The following STX12 variants were observed in gnomAD, a reference collection of about 807,000 sequenced individuals.
STX12 encodes syntaxin-12.
STX12 carries 17 observed loss-of-function variants against 42.2 expected under a neutral mutation model. That is an observed-to-expected ratio of 0.40 (90% CI 0.28 to 0.60). The LOEUF is 0.60. Among genes scored for constraint, STX12 ranks in the 20% least tolerant of loss-of-function variants. The pLI is 0.39. For synonymous variants in STX12, 108 were observed against 116.7 expected, an observed-to-expected ratio of 0.93 and a Z score of 0.48; for missense variants, 297 against 330.9, an observed-to-expected ratio of 0.90 and a Z score of 0.79.
At chr1:27,773,705 G>A (rs1245791202) in intron 1 of STX12, among the ~76,000 whole-genome samples, 1 of 152,240 alleles carries the variant, frequency 6.6e-6, no homozygotes, top group Non-Finnish European at 1.5e-5. Context: ...AGGGTGGGAA[G>A]GGGAGTGTGT....
Position 27,792,268 on chromosome 1 carries a change from ATG to A in STX12, c.189-1263_189-1262del, listed in dbSNP as rs1474561271. ...TCTATATATATGTAGATACATATAT[ATG>A]TATCTATATATATGTAGATACATAT... is the stretch of plus-strand genomic sequence containing the variant. On this transcript the variant is annotated intron_variant, in intron 2 of 8. Coordinates refer to ENST00000373943, the MANE Select transcript of STX12 (RefSeq NM_177424.3). Among the ~76,000 whole-genome samples the A allele has an allele frequency of 6.2e-4, 78 of 125,052 alleles. 2 individuals carry two copies. The highest frequency in any genetic ancestry group is 2.1e-3 in the East Asian group (10 of 4,772). 82.0% of individuals were successfully genotyped at this position (125,052 alleles called of 152,430 possible). A position where few individuals can be genotyped will look rare whatever the true frequency, so the allele number is the denominator to read the frequency against.
chr1:27,812,195 A>G lies in STX12; in HGVS notation c.503A>G (p.Glu168Gly). Residue 168 changes from glutamate (E) to glycine (G), a missense_variant, in exon 6 of 9, where the codon GAG (glutamate) becomes GGG (glycine). By Grantham distance (98) the Glu-to-Gly change is moderately conservative. Transcript: ENST00000373943. ...GAGTGGAACCAGATGCAGAGCCAGG[A>G]GGATGAGGTGGCCATCACTGAGCAG... The part of the protein sequence containing the change: ...HEEWNQMQSQ[E>G]DEVAITEQDL... 1 of 1,560,132 alleles carries G rather than the reference A, an allele frequency of 6.4e-7. No homozygotes were observed. Among genetic ancestry groups the G allele is most frequent in the Non-Finnish European group, 8.7e-7 (1 of 1,151,246 alleles).
intron 7 of STX12, among the ~76,000 whole-genome samples, chr1:27,818,977 T>G (rs147664564): frequency 4.6e-5 from 7 of 152,102 alleles, no homozygotes; most frequent in African/African-American, 1.7e-4. Flanking sequence ...TCGAGTTTAT[T>G]AAAAGTTGCA....
intron 1 of STX12, among the ~76,000 whole-genome samples, chr1:27,781,156 G>A (rs577926911): frequency 3.0e-3 from 461 of 152,096 alleles, no homozygotes; most frequent in Non-Finnish European, 5.0e-3. Flanking sequence ...CAATTCTCAT[G>A]CCTCAGCCTC....
intron 1 of STX12, among the ~76,000 whole-genome samples, chr1:27,777,853 C>G (rs1275186536): frequency 2.0e-5 from 3 of 151,994 alleles, no homozygotes; most frequent in African/African-American, 7.3e-5. Flanking sequence ...CGCCACTGCA[C>G]TCTGGCCTGG....
At chr1:27,810,753 A>G (rs11810664) in intron 5 of STX12, among the ~76,000 whole-genome samples, 26,562 of 152,144 alleles carry the variant, frequency 0.17, 6,076 homozygotes, top group African/African-American at 0.53. Flanking sequence ...CAAACTAATC[A>G]CATGGAAGTG....
chr1:27,797,514 G>A (rs934801495), intron 3 of STX12, among the ~76,000 whole-genome samples: 3 of 152,078 alleles, frequency 2.0e-5, no homozygotes, highest in African/African-American at 7.2e-5. Flanking sequence ...CTAAGAGTGG[G>A]CATGCCCCAA....
intron 6 of STX12, among the ~76,000 whole-genome samples, chr1:27,814,213 A>G (rs2148607101): frequency 6.6e-6 from 1 of 152,298 alleles, no homozygotes; most frequent in African/African-American, 2.4e-5. Context: ...ACCTACTGCT[A>G]CTACTAATTG....
chr1:27,791,962 G>A (rs796449295), intron 2 of STX12, among the ~76,000 whole-genome samples: 76 of 147,746 alleles, frequency 5.1e-4, no homozygotes, highest in African/African-American at 1.8e-3. Flanking sequence ...CCGGCCTGGC[G>A]ACAGAGCAAG....
At position 27,823,474 on chromosome 1, in the gene STX12, T is replaced by C. The variant is rs1485850843; in HGVS notation, c.*1145T>C. ...TTTCAATAAAATTACTGTCTTGTAATATAAATGTTGTCCACTTCCCTTTTC... is the reference window on the plus strand; with the variant it reads ...TTTCAATAAAATTACTGTCTTGTAACATAAATGTTGTCCACTTCCCTTTTC... On this transcript the variant is annotated 3_prime_UTR_variant, in exon 9 of 9. Transcript: ENST00000373943. The C allele has an allele frequency of 6.6e-6, 1 of 152,668 alleles. No homozygotes were observed. The highest frequency in any genetic ancestry group is 1.9e-4 in the East Asian group (1 of 5,204). The allele number at this position is 152,668 out of a possible 1,614,324, so 9.5% of individuals were successfully genotyped here. A position where few individuals can be genotyped will look rare whatever the true frequency, so the allele number is the denominator to read the frequency against.
chr1:27,785,015 A>G (rs1449602754), intron 1 of STX12, among the ~76,000 whole-genome samples: 2 of 152,214 alleles, frequency 1.3e-5, no homozygotes, highest in African/African-American at 2.4e-5. Flanking sequence ...TGCAGAGAAC[A>G]GCTGATTATT....
At chr1:27,792,504 G>A (rs1306662996) in intron 2 of STX12, among the ~76,000 whole-genome samples, 1 of 151,454 alleles carries the variant, frequency 6.6e-6, no homozygotes, top group African/African-American at 2.4e-5. Flanking sequence ...GCCACTGATT[G>A]GGTACCTCTT....
intron 2 of STX12, among the ~76,000 whole-genome samples, chr1:27,790,922 CAA>C (rs1163972761): frequency 1.3e-5 from 2 of 151,632 alleles, no homozygotes; most frequent in East Asian, 1.9e-4. Context: ...GCCTAGGCAA[CAA>C]GAGTGAAACT....
At chr1:27,799,789 G>A (rs988338359) in intron 3 of STX12, among the ~76,000 whole-genome samples, 3 of 145,422 alleles carry the variant, frequency 2.1e-5, no homozygotes, top group African/African-American at 7.7e-5. Flanking sequence ...TTTCACATGT[G>A]TTGCCCAGGC....
At chr1:27,815,245 G>A (rs998449209) in intron 6 of STX12, among the ~76,000 whole-genome samples, 1 of 152,156 alleles carries the variant, frequency 6.6e-6, no homozygotes, top group African/African-American at 2.4e-5. Flanking sequence ...ATAGCAAAGT[G>A]GAGTGAGACA....
chr1:27,775,229 A>G (rs1463640980), intron 1 of STX12, among the ~76,000 whole-genome samples: 1 of 152,208 alleles, frequency 6.6e-6, no homozygotes, highest in Non-Finnish European at 1.5e-5. Context: ...ATATAAAACC[A>G]GAATACTCCC....
intron 4 of STX12, among the ~76,000 whole-genome samples, chr1:27,807,698 G>A (rs1173765847): frequency 6.6e-6 from 1 of 152,208 alleles, no homozygotes; most frequent in Non-Finnish European, 1.5e-5. Context: ...CTACCCTAGA[G>A]AAACCTGTAT....
At chr1:27,817,324 CCATAGGG>C (rs745518380) in intron 6 of STX12, among the ~76,000 whole-genome samples, 2 of 152,174 alleles carry the variant, frequency 1.3e-5, no homozygotes, top group African/African-American at 2.4e-5. Context: ...TTGGGAGTTA[CCATAGGG>C]CATTGTCCAG....
chr1:27,790,270 G>A (rs1204862216), intron 2 of STX12, among the ~76,000 whole-genome samples: 1 of 152,190 alleles, frequency 6.6e-6, no homozygotes, highest in Non-Finnish European at 1.5e-5. Context: ...CTTTAAGGTG[G>A]TGCGGACCCA....
Sources: allele counts gnomAD v4.1 joint callset (sites outside exome capture counted in the v4.1 genomes callset), GRCh38; gene constraint gnomAD v4.1.1; transcripts MANE v1.5; gene names NCBI Gene and HGNC (gene_info 2026-07-23, HGNC 2026-07-21).